OXR1: variants seen among roughly 807,000 people sequenced by gnomAD.
OXR1 encodes the protein oxidation resistance 1.
A neutral mutation model predicts 104.6 loss-of-function variants in OXR1; 41 were observed. The ratio of observed to expected loss-of-function variants is 0.39; its 90% CI spans 0.31 to 0.51. The LOEUF is 0.51. OXR1 is among the 20% of genes least tolerant of loss of function. OXR1 has a pLI of 0.77. For missense variants in OXR1, 955 were observed against 1,031.9 expected, an observed-to-expected ratio of 0.93 and a Z score of 1.02; for synonymous variants, 348 against 348.4, an observed-to-expected ratio of 1.00 and a Z score of 0.01.
chr8:106,305,937 G>C (rs1029819510), intron 1 of OXR1, among the ~76,000 whole-genome samples: 1 of 152,092 alleles, frequency 6.6e-6, no homozygotes, highest in South Asian at 2.1e-4. Context: ...CTCAGGAGAG[G>C]ATATAAGAGA....
intron 1 of OXR1, among the ~76,000 whole-genome samples, chr8:106,328,713 A>C (rs754459565): frequency 6.6e-6 from 1 of 152,108 alleles, no homozygotes; most frequent in Non-Finnish European, 1.5e-5. Flanking sequence ...AAAAAAGAAA[A>C]CCCTTGAGCA....
chr8:106,594,956 T>C (rs1279970295), intron 3 of OXR1, among the ~76,000 whole-genome samples: 1 of 152,244 alleles, frequency 6.6e-6, no homozygotes, highest in Non-Finnish European at 1.5e-5. Context: ...AAGCTGTTGC[T>C]CTGCAGATGC....
intron 7 of OXR1, among the ~76,000 whole-genome samples, chr8:106,693,340 A>G (rs953246022): frequency 6.6e-6 from 1 of 152,164 alleles, no homozygotes; most frequent in Admixed American, 6.5e-5. Flanking sequence ...TCCACAGGGA[A>G]AAACAAAACA....
chr8:106,714,007 T>C, intron 11 of OXR1, 22 bp downstream of exon 11: 1 of 1,521,318 alleles, frequency 6.6e-7, no homozygotes, highest in Non-Finnish European at 8.9e-7. Flanking sequence ...AATATGAAGA[T>C]TTTAGTCATC....
intron 2 of OXR1, among the ~76,000 whole-genome samples, chr8:106,420,403 A>AT (rs1196315995): frequency 1.3e-5 from 2 of 151,808 alleles, no homozygotes; most frequent in Non-Finnish European, 2.9e-5. Context: ...TAGTAGTTTT[A>AT]TTTTTAATTT....
chr8:106,352,975 G>T (rs543181001), intron 1 of OXR1, among the ~76,000 whole-genome samples: 1 of 152,110 alleles, frequency 6.6e-6, no homozygotes, highest in Non-Finnish European at 1.5e-5. Context: ...TTAAAATCTT[G>T]TCTCTAGAGA....
chr8:106,292,448 G>A (rs79864776), intron 1 of OXR1, among the ~76,000 whole-genome samples: 23,483 of 152,078 alleles, frequency 0.15, 2,279 homozygotes, highest in African/African-American at 0.27. Context: ...GCCAGAGTGC[G>A]TGATGAGTGA....
rs202216518 is a variant in OXR1, at chr8:106,462,271, TA to T, written c.24-56669del. Among the ~76,000 whole-genome samples, 1,034 of 152,332 alleles carry T rather than the reference TA, an allele frequency of 6.8e-3. 11 individuals are homozygous for T. The highest frequency in any genetic ancestry group is 0.024 in the African/African-American group (994 of 41,588). On this transcript the variant is annotated intron_variant, in intron 2 of 16. Transcript: ENST00000517566. ...TTCACATTCCTATAATAGTTTTTAT[TA>T]AACTTTAAAAGTTACAAGGTTTACC...
intron 3 of OXR1, among the ~76,000 whole-genome samples, chr8:106,598,801 A>C (rs1586874085): frequency 6.6e-6 from 1 of 152,196 alleles, no homozygotes; most frequent in Admixed American, 6.5e-5. Context: ...CCATTGAACA[A>C]TATCTTCAAA....
At chr8:106,360,909 G>A (rs887072048) in intron 2 of OXR1, among the ~76,000 whole-genome samples, 1 of 152,132 alleles carries the variant, frequency 6.6e-6, no homozygotes, top group African/African-American at 2.4e-5. Flanking sequence ...GAGGGTTGGG[G>A]AAAGGAAAAG....
At chr8:106,384,386 T>C (rs17252580) in intron 2 of OXR1, among the ~76,000 whole-genome samples, 2,563 of 152,256 alleles carry the variant, frequency 0.017, 32 homozygotes, top group Middle Eastern at 0.031. Flanking sequence ...CTCAAGCCCA[T>C]GTTCTTAATG....
At chr8:106,577,359 C>A (rs944955468) in intron 3 of OXR1, among the ~76,000 whole-genome samples, 1 of 149,358 alleles carries the variant, frequency 6.7e-6, no homozygotes, top group East Asian at 2.0e-4. Context: ...TACAGGCGCC[C>A]GCCACTATGC....
rs190513765 is a variant in OXR1, at chr8:106,527,437, C to T, written c.220+8298C>T. Among the ~76,000 whole-genome samples the T allele has an allele frequency of 4.6e-5, 7 of 152,268 alleles. No individual in the cohort carries two copies. The East Asian group carries it at 7.7e-4, about 17-fold the overall frequency. On this transcript the variant is annotated intron_variant, in intron 3 of 16. Coordinates refer to ENST00000517566, the MANE Select transcript of OXR1 (RefSeq NM_001198533.2). ...GTTACTCTATAGATCTTTCATACTG[C>T]GCTTACCTTTCATCAGCTTCATTGC...
chr8:106,735,520 T>C (rs1834288930), intron 11 of OXR1, among the ~76,000 whole-genome samples: 1 of 152,056 alleles, frequency 6.6e-6, no homozygotes, highest in African/African-American at 2.4e-5. Context: ...CCAGGAAGTG[T>C]TTTTCTTATA....
chr8:106,562,275 A>G (rs753514282), intron 3 of OXR1, among the ~76,000 whole-genome samples: 1 of 152,152 alleles, frequency 6.6e-6, no homozygotes, highest in African/African-American at 2.4e-5. Flanking sequence ...AGAGAAGAAT[A>G]TAAATGACCT....
At chr8:106,729,678 T>C (rs1833695501) in intron 11 of OXR1, 1 of 152,164 alleles carries the variant, frequency 6.6e-6, no homozygotes, top group South Asian at 2.1e-4. Context: ...GAAAAAAGTA[T>C]ACACATATAT....
intron 2 of OXR1, among the ~76,000 whole-genome samples, chr8:106,502,800 T>G (rs1811897045): frequency 6.6e-6 from 1 of 152,218 alleles, no homozygotes. Context: ...CTGTTTTTTC[T>G]AATCCCAGGC....
chr8:106,670,285 CTTAA>C (rs1381794457), intron 3 of OXR1, among the ~76,000 whole-genome samples: 2 of 152,138 alleles, frequency 1.3e-5, no homozygotes, highest in Admixed American at 1.3e-4. Context: ...ATTTCTGTAA[CTTAA>C]TTAATAAGAT....
intron 1 of OXR1, among the ~76,000 whole-genome samples, chr8:106,273,777 T>C (rs1276374021): frequency 6.6e-6 from 1 of 152,218 alleles, no homozygotes; most frequent in Admixed American, 6.5e-5. Flanking sequence ...TTGGCAGAAC[T>C]GTTTTTCAGC....
Sources: gnomAD v4.1 joint callset for allele counts (sites outside exome capture counted in the v4.1 genomes callset) on GRCh38, gnomAD v4.1.1 for gene constraint, MANE v1.5 for transcripts, NCBI Gene and HGNC (gene_info 2026-07-23, HGNC 2026-07-21) for gene names.